The following IL1RAPL1 variants were observed in gnomAD, a reference collection of about 807,000 sequenced individuals.
IL1RAPL1 encodes interleukin-1 receptor accessory protein-like 1.
A neutral mutation model predicts 48.4 loss-of-function variants in IL1RAPL1; 3 were observed. The ratio of observed to expected loss-of-function variants is 0.06; its 90% CI spans 0.03 to 0.16. IL1RAPL1 has a LOEUF of 0.16. Ranked by LOEUF, IL1RAPL1 falls within the 10% of genes least tolerant of loss-of-function variation. The pLI is 1.00. For synonymous variants in IL1RAPL1, 185 were observed against 187.7 expected (o/e 0.99, Z 0.12); for missense variants, 349 against 530.6 (o/e 0.66, Z 3.36).
rs900849866 is a variant in IL1RAPL1, at chrX:29,586,124, A to G, written c.704-82306A>G. On this transcript the variant is annotated intron_variant, in intron 5 of 10. Coordinates refer to ENST00000378993, the MANE Select transcript of IL1RAPL1 (RefSeq NM_014271.4). ...TCATATTCATGAAGCAATTGGTAAG[A>G]TTAATGCATGAAACTTTTCCCCTGT... is the stretch of plus-strand genomic sequence containing the variant. 2.7e-5 allele frequency among the ~76,000 whole-genome samples: 3 copies of G among 111,862 alleles called. No individual in the cohort carries two copies. The East Asian group carries it at 8.4e-4, about 31-fold the overall frequency.
At chrX:29,206,361 G>A (rs766289382) in intron 2 of IL1RAPL1, among the ~76,000 whole-genome samples, 11 of 109,496 alleles carry the variant, frequency 1.0e-4, no homozygotes, top group Non-Finnish European at 1.7e-4. Flanking sequence ...TTCATAACTC[G>A]CCTGAGAGGG....
At chrX:28,681,436 A>G (rs1385017613) in intron 1 of IL1RAPL1, among the ~76,000 whole-genome samples, 1 of 111,858 alleles carries the variant, frequency 8.9e-6, no homozygotes, top group African/African-American at 3.2e-5. Context: ...GATCTCATTT[A>G]TATGTGAGAT....
intron 6 of IL1RAPL1, among the ~76,000 whole-genome samples, chrX:29,706,720 G>A (rs1333722444): frequency 3.6e-5 from 4 of 111,805 alleles, no homozygotes; most frequent in Non-Finnish European, 3.8e-5. Context: ...TTTAACAAAT[G>A]GTGCTGGGAT....
chrX:29,299,055 G>C (rs764756743), intron 3 of IL1RAPL1, among the ~76,000 whole-genome samples: 1 of 108,659 alleles, frequency 9.2e-6, no homozygotes, highest in African/African-American at 3.4e-5. Flanking sequence ...ATATAAAGCA[G>C]GCAGAAAAAA....
At chrX:29,352,670 G>A (rs1933248434) in intron 3 of IL1RAPL1, among the ~76,000 whole-genome samples, 1 of 103,699 alleles carries the variant, frequency 9.6e-6, no homozygotes. Context: ...CAGACTACTG[G>A]AATGTCCAGG....
At chrX:28,937,005 A>G (rs1034908289) in intron 2 of IL1RAPL1, among the ~76,000 whole-genome samples, 1 of 111,090 alleles carries the variant, frequency 9.0e-6, no homozygotes, top group Non-Finnish European at 1.9e-5. Context: ...TCTTAGCCTC[A>G]TCGTCTAGCA....
chrX:29,110,388 A>T (rs1164096633), intron 2 of IL1RAPL1, among the ~76,000 whole-genome samples: 1 of 111,689 alleles, frequency 9.0e-6, no homozygotes, highest in Non-Finnish European at 1.9e-5. Context: ...ATTTTACCTC[A>T]TGTGATTCTA....
intron 9 of IL1RAPL1, among the ~76,000 whole-genome samples, chrX:29,945,632 A>G (rs181412714): frequency 4.5e-5 from 5 of 112,097 alleles, no homozygotes; most frequent in Non-Finnish European, 9.4e-5. Context: ...ACACAATTAG[A>G]AAGACAGAAT....
At chrX:29,431,345 T>C (rs1934420894) in intron 5 of IL1RAPL1, among the ~76,000 whole-genome samples, 1 of 110,930 alleles carries the variant, frequency 9.0e-6, no homozygotes, top group Non-Finnish European at 1.9e-5. Flanking sequence ...ATATTGCAAA[T>C]AAATAGTCAT....
At chrX:28,809,857 A>T (rs1176853309) in intron 2 of IL1RAPL1, among the ~76,000 whole-genome samples, 3 of 108,446 alleles carry the variant, frequency 2.8e-5, no homozygotes, top group African/African-American at 1.0e-4. Flanking sequence ...CAGTTACCAG[A>T]TCTTGGGTAT....
chrX:29,026,427 T>C (rs752095880), intron 2 of IL1RAPL1, among the ~76,000 whole-genome samples: 1 of 109,259 alleles, frequency 9.2e-6, no homozygotes, highest in Non-Finnish European at 1.9e-5. Flanking sequence ...TGGTGGGGGG[T>C]GAGGGGAGGA....
chrX:29,669,680 G>A (rs149276022), intron 6 of IL1RAPL1, among the ~76,000 whole-genome samples: 9,537 of 111,124 alleles, frequency 0.086, 339 homozygotes, highest in Middle Eastern at 0.21. Context: ...ATACAAGTCA[G>A]GGTGTTAATA....
intron 6 of IL1RAPL1, among the ~76,000 whole-genome samples, chrX:29,881,561 G>A (rs945135958): frequency 1.2e-4 from 13 of 109,328 alleles, no homozygotes; most frequent in Non-Finnish European, 2.5e-4. Flanking sequence ...TTTAATTTTT[G>A]TGGTGACATA....
At chrX:28,875,850 G>C (rs1922358291) in intron 2 of IL1RAPL1, among the ~76,000 whole-genome samples, 1 of 111,900 alleles carries the variant, frequency 8.9e-6, no homozygotes, top group African/African-American at 3.2e-5. Context: ...CGTTTGGCAA[G>C]AGTTTGAAAT....
chrX:28,973,175 G>T (rs1925126123), intron 2 of IL1RAPL1, among the ~76,000 whole-genome samples: 1 of 111,462 alleles, frequency 9.0e-6, no homozygotes, highest in Non-Finnish European at 1.9e-5. Flanking sequence ...TTATTTATTT[G>T]TGTATCCATA....
At chrX:29,280,587 T>C (rs1365905502) in intron 2 of IL1RAPL1, among the ~76,000 whole-genome samples, 1 of 112,260 alleles carries the variant, frequency 8.9e-6, no homozygotes, top group Non-Finnish European at 1.9e-5. Flanking sequence ...TTTTGCTTAT[T>C]TATTCATGCA....
At chrX:29,333,319 G>C (rs1337614725) in intron 3 of IL1RAPL1, among the ~76,000 whole-genome samples, 4 of 108,164 alleles carry the variant, frequency 3.7e-5, no homozygotes, top group Admixed American at 2.9e-4. Context: ...CGGTTGGCCA[G>C]GCAGAGGGGC....
chrX:28,635,484 A>C (rs1263064856), intron 1 of IL1RAPL1, among the ~76,000 whole-genome samples: 4 of 111,919 alleles, frequency 3.6e-5, no homozygotes, highest in Admixed American at 1.9e-4. Flanking sequence ...CTTTCAGTAC[A>C]TGAGGTAATC....
chrX:29,947,483 A>G (rs1250910968), intron 9 of IL1RAPL1, among the ~76,000 whole-genome samples: 1 of 111,427 alleles, frequency 9.0e-6, no homozygotes. Context: ...CTACGTTGGG[A>G]GTTATTACAG....
Sources: gnomAD v4.1 joint callset for allele counts (sites outside exome capture counted in the v4.1 genomes callset) on GRCh38, gnomAD v4.1.1 for gene constraint, MANE v1.5 for transcripts, NCBI Gene and HGNC (gene_info 2026-07-23, HGNC 2026-07-21) for gene names.